ITPRID2: variants seen among roughly 807,000 people sequenced by gnomAD.
ITPRID2 encodes protein ITPRID2.
In ITPRID2, 60 loss-of-function variants were observed where a neutral mutation model predicts 124.3. The observed-to-expected ratio is 0.48, with a 90% CI of 0.39 to 0.60. ITPRID2 has a LOEUF of 0.60. Ranked by LOEUF, ITPRID2 falls within the 20% of genes least tolerant of loss-of-function variation. The pLI is 0.00. For missense variants in ITPRID2, 1,553 were observed against 1,512.2 expected (o/e 1.03, Z -0.45); for synonymous variants, 521 against 542.9 (o/e 0.96, Z 0.56).
rs952176029 is a variant in ITPRID2 at position 181,906,295 on chromosome 2, G to A, written c.1414-3604G>A. Reference sequence around the variant, plus strand: ...TATCAGTGCTTCACAGGGGGAAGGAGCACAGCGGGTGTCAGTGGAGGATGG... The same window carrying A: ...TATCAGTGCTTCACAGGGGGAAGGAACACAGCGGGTGTCAGTGGAGGATGG... On this transcript the variant is annotated intron_variant, in intron 8 of 17. Transcript: ENST00000431877. Among the ~76,000 whole-genome samples, 3 of 152,298 alleles carry A rather than the reference G, an allele frequency of 2.0e-5. No individual in the cohort carries two copies. In the East Asian group the frequency reaches 5.8e-4, roughly 29 times the overall value.
rs1464572523 is a variant in ITPRID2, at chr2:181,892,074, G to A, written c.8G>A (p.Arg3Gln). 6.4e-7 allele frequency: 1 copy of A among 1,551,512 alleles called. No individual in the cohort carries two copies. Among genetic ancestry groups the A allele is most frequent in the South Asian group, 1.2e-5 (1 of 84,228 alleles). Residue 3 changes from arginine (R) to glutamine (Q), a missense_variant, in exon 1 of 18, where the codon CGG becomes CAG. Coordinates refer to ENST00000431877, the MANE Select transcript of ITPRID2 (RefSeq NM_001130445.3). The surrounding 1 kb of genome is among the most constrained non-coding windows in gnomAD (Gnocchi z 5.2). Reference protein sequence around the residue: MDRPLSSSAEAEE... With the variant: MDQPLSSSAEAEE... ...GGAGCCCCCAGTGCGGCCATGGACC[G>A]GCCCCTGTCGTCGTCGGCGGAGGCG... is the stretch of plus-strand genomic sequence containing the variant.
Position 181,922,338 on chromosome 2 carries a change from C to T in ITPRID2, c.3601C>T (p.Leu1201Phe). Residue 1201 changes from leucine (L) to phenylalanine (F), a missense_variant, in exon 16 of 18, where the codon CTC (leucine) becomes TTC (phenylalanine). Coordinates refer to ENST00000431877, the MANE Select transcript of ITPRID2 (RefSeq NM_001130445.3). ...KSEVEEGHGK[L>F]PSMPAAEEMH... ...TGAAGTGGAAGAAGGGCATGGAAAA[C>T]TCCCATCAATGCCAGCTGCTGAGGA... is the stretch of plus-strand genomic sequence containing the variant. 2 of 1,614,216 alleles carry T rather than the reference C, an allele frequency of 1.2e-6. No homozygotes were observed. Among genetic ancestry groups the T allele is most frequent in the Non-Finnish European group, 1.7e-6 (2 of 1,180,044 alleles).
At chr2:181,898,953 A>C in intron 5 of ITPRID2, 34 bp downstream of exon 5, 1 of 1,600,854 alleles carries the variant, frequency 6.2e-7, no homozygotes, top group Non-Finnish European at 8.5e-7. Flanking sequence ...TCTTTTAAAA[A>C]ATGAAGACCT....
intron 11 of ITPRID2, 146 bp downstream of exon 11, chr2:181,916,573 G>C (rs898591556): frequency 9.3e-7 from 1 of 1,069,692 alleles, no homozygotes; most frequent in Non-Finnish European, 1.3e-6. Context: ...ATCTGCCTTC[G>C]TTTTCTATCT....
chr2:181,902,260 G>A lies in ITPRID2; in HGVS notation c.1207G>A (p.Glu403Lys). Residue 403 changes from glutamate to lysine, a missense_variant, in exon 8 of 18, where the codon GAG becomes AAG. Physicochemically the swap from Glu to Lys is moderately conservative, Grantham distance 56. Transcript: ENST00000431877. The surrounding 1 kb of genome is among the most constrained non-coding windows in gnomAD (Gnocchi z 4.4). Reference protein sequence around the residue: ...NEQSKETQSHESKLGEESGIV... With the variant: ...NEQSKETQSHKSKLGEESGIV... Reference sequence around the variant, plus strand: ...ACAAAGTAAAGAAACTCAAAGTCATGAGAGTAAACTGGGTGAGGAATCTGG... The same window carrying A: ...ACAAAGTAAAGAAACTCAAAGTCATAAGAGTAAACTGGGTGAGGAATCTGG... 6.2e-7 allele frequency: 1 copy of A among 1,613,312 alleles called. No homozygotes were observed. Among genetic ancestry groups the A allele is most frequent in the Non-Finnish European group, 8.5e-7 (1 of 1,179,566 alleles).
At chr2:181,913,706 A>G (rs1693805115) in intron 9 of ITPRID2, 139 bp from the exon 10 acceptor site, 1 of 550,148 alleles carries the variant, frequency 1.8e-6, no homozygotes, top group African/African-American at 1.9e-5. Flanking sequence ...TATTTTTCTA[A>G]GAAGCAGTCA....
intron 8 of ITPRID2, among the ~76,000 whole-genome samples, chr2:181,903,019 G>A (rs1692807300): frequency 6.6e-6 from 1 of 152,168 alleles, no homozygotes; most frequent in South Asian, 2.1e-4. Context: ...AAAGGCCACT[G>A]AATAGGGTTT....
chr2:181,928,628 C>G (rs921747644), intron 17 of ITPRID2, among the ~76,000 whole-genome samples: 9 of 150,984 alleles, frequency 6.0e-5, no homozygotes, highest in African/African-American at 2.2e-4. Context: ...ATCACAACTT[C>G]CTTTTTTTTT....
At position 181,907,166 on chromosome 2, in the gene ITPRID2, A is replaced by G. The variant is rs984252991; in HGVS notation, c.1414-2733A>G. Among the ~76,000 whole-genome samples, 2 of 152,208 alleles carry G rather than the reference A, an allele frequency of 1.3e-5. No homozygotes were observed. Among genetic ancestry groups the G allele is most frequent in the African/African-American group, 2.4e-5 (1 of 41,448 alleles). On this transcript the variant is annotated intron_variant, in intron 8 of 17. Coordinates refer to ENST00000431877, the MANE Select transcript of ITPRID2 (RefSeq NM_001130445.3). The surrounding 1 kb of genome is among the most constrained non-coding windows in gnomAD (Gnocchi z 5.1). The stretch of plus-strand genomic sequence containing the variant: ...GTCCTGTGCAATACAATACAGTAGT[A>G]TTGTGCCTAGAAGATCCCTCTTAGT...
rs1692739256 is a variant in ITPRID2 at position 181,902,380 on chromosome 2, C to T, written c.1327C>T (p.Pro443Ser). Residue 443 changes from proline to serine, a missense_variant, in exon 8 of 18, where the codon CCT becomes TCT. By Grantham distance (74) the Pro-to-Ser change is moderately conservative. Transcript: ENST00000431877. This position sits in a 1 kb window ranked among gnomAD's most constrained non-coding sequence, Gnocchi z 4.4. ...SELKSVHIST[P>S]EKEPCAPLTI... Reference sequence around the variant, plus strand: ...GCTGAAAAGTGTCCATATATCCACACCTGAAAAAGAGCCTTGTGCACCACT... The same window carrying T: ...GCTGAAAAGTGTCCATATATCCACATCTGAAAAAGAGCCTTGTGCACCACT... The T allele has an allele frequency of 6.2e-7, 1 of 1,613,730 alleles. No individual in the cohort carries two copies. The highest frequency in any genetic ancestry group is 8.5e-7 in the Non-Finnish European group (1 of 1,179,854).
At chr2:181,918,275 T>C (rs1487426069) in intron 11 of ITPRID2, 2 of 1,084,718 alleles carry the variant, frequency 1.8e-6, no homozygotes, top group African/African-American at 1.7e-5. Context: ...CATGATGATA[T>C]TTGCAATGGC....
At position 181,892,947 on chromosome 2, in the gene ITPRID2, TTC is replaced by T. The variant is rs1199288582; in HGVS notation, c.257+289_257+290del. 1.9e-6 allele frequency: 1 copy of T among 519,222 alleles called. No individual in the cohort carries two copies. Among genetic ancestry groups the T allele is most frequent in the Non-Finnish European group, 3.5e-6 (1 of 288,344 alleles). The allele number at this position is 519,222 out of a possible 1,614,324, so 32.2% of individuals were successfully genotyped here. A position where few individuals can be genotyped will look rare whatever the true frequency, so the allele number is the denominator to read the frequency against. On this transcript the variant is annotated intron_variant, in intron 2 of 17. Transcript: ENST00000431877. This position sits in a 1 kb window ranked among gnomAD's most constrained non-coding sequence, Gnocchi z 5.2. The stretch of plus-strand genomic sequence containing the variant: ...AGAACAGATAATCATGCCATATTTG[TTC>T]TGTTTTTATTTGAAAGAATTCTCAC...
Position 181,892,684 on chromosome 2 carries a change from C to T in ITPRID2, c.257+24C>T, listed in dbSNP as rs1046625941. The T allele has an allele frequency of 6.2e-7, 1 of 1,613,834 alleles. No individual in the cohort carries two copies. The highest frequency in any genetic ancestry group is 8.5e-7 in the Non-Finnish European group (1 of 1,179,894). On this transcript the variant is annotated intron_variant, in intron 2 of 17. Coordinates refer to ENST00000431877, the MANE Select transcript of ITPRID2 (RefSeq NM_001130445.3). This position sits in a 1 kb window ranked among gnomAD's most constrained non-coding sequence, Gnocchi z 5.2. ...CGGTGAGTGCTCCCTGGTCCGCCCG[C>T]GTCCCGGGGGAGATCCGTGCGGACG...
Position 181,892,723 on chromosome 2 carries a change from G to C in ITPRID2, c.257+63G>C. 1.2e-6 allele frequency: 2 copies of C among 1,600,170 alleles called. No homozygotes were observed. The highest frequency in any genetic ancestry group is 1.7e-6 in the Non-Finnish European group (2 of 1,168,604). On this transcript the variant is annotated intron_variant, in intron 2 of 17. Coordinates refer to ENST00000431877, the MANE Select transcript of ITPRID2 (RefSeq NM_001130445.3). The surrounding 1 kb of genome is among the most constrained non-coding windows in gnomAD (Gnocchi z 5.2). ...TCCGTGCGGACGGGACGCCGGAGCA[G>C]AGCCACTCGGGCCGCGTCCCTGTGG... is the stretch of plus-strand genomic sequence containing the variant.
chr2:181,923,068 A>G (rs1011529520), intron 16 of ITPRID2, among the ~76,000 whole-genome samples: 1 of 152,234 alleles, frequency 6.6e-6, no homozygotes, highest in Non-Finnish European at 1.5e-5. Flanking sequence ...GCCCTAGGTG[A>G]TAGCAGCATA....
At chr2:181,901,714 G>A in intron 7 of ITPRID2, 52 bp from the exon 8 acceptor site, 1 of 1,220,252 alleles carries the variant, frequency 8.2e-7, no homozygotes, top group Non-Finnish European at 1.1e-6. Flanking sequence ...TAATATATGT[G>A]TATGTATATA....
In ITPRID2 at chr2:181,916,362, G is replaced by A. The variant is rs1235577056; in HGVS notation, c.2722G>A (p.Ala908Thr). Residue 908 changes from alanine to threonine, a missense_variant, in exon 11 of 18, where the codon GCC becomes ACC. By Grantham distance (58) the Ala-to-Thr change is moderately conservative. Transcript: ENST00000431877. ...AGTGTGCTCTGTGAATCCTCCTTCA[G>A]CCATAGAAATGCAGTTGCGAAGAGT... ...YRVCSVNPPS[A>T]IEMQLRRVLH... The A allele has an allele frequency of 3.1e-6, 5 of 1,614,168 alleles. No individual in the cohort carries two copies. Among genetic ancestry groups the A allele is most frequent in the Non-Finnish European group, 4.2e-6 (5 of 1,180,018 alleles).
At chr2:181,918,306 A>T in intron 11 of ITPRID2, 1 of 1,147,524 alleles carries the variant, frequency 8.7e-7, no homozygotes, top group Non-Finnish European at 1.1e-6. Context: ...TTGCGTTTTG[A>T]TTTTGTTTTT....
At chr2:181,898,842 T>C in intron 4 of ITPRID2, 38 bp from the exon 5 acceptor site, 1 of 1,483,394 alleles carries the variant, frequency 6.7e-7, no homozygotes, top group Non-Finnish European at 9.4e-7. Flanking sequence ...ATAGTCCTAC[T>C]AACAATTGTG....
Sources: allele counts gnomAD v4.1 joint callset (sites outside exome capture counted in the v4.1 genomes callset), GRCh38; gene constraint gnomAD v4.1.1; non-coding constraint Gnocchi (gnomAD v3.1); transcripts MANE v1.5; gene names NCBI Gene and HGNC (gene_info 2026-07-23, HGNC 2026-07-21).